The following PRDM9 variants were observed in gnomAD, a reference collection of about 807,000 sequenced individuals.
The protein encoded by PRDM9 is PR/SET domain 9.
In PRDM9, 47 loss-of-function variants were observed where a neutral mutation model predicts 55.6. That is an observed-to-expected ratio of 0.85 (90% CI 0.67 to 1.08). The LOEUF (loss-of-function observed/expected upper bound fraction) is 1.08. Ranked by LOEUF, PRDM9 falls within the 50% of genes least tolerant of loss-of-function variation. The pLI is 0.00. For missense variants in PRDM9, 867 were observed against 1,040.3 expected, an observed-to-expected ratio of 0.83 and a Z score of 2.29; for synonymous variants, 312 against 375.7, an observed-to-expected ratio of 0.83 and a Z score of 1.96.
intron 1 of PRDM9, among the ~76,000 whole-genome samples, chr5:23,508,607 G>T (rs1389989588): frequency 5.3e-5 from 8 of 152,118 alleles, no homozygotes; most frequent in Non-Finnish European, 1.2e-4. Flanking sequence ...AGCAGTCGGG[G>T]GGCCTCAAGG....
Position 23,521,160 on chromosome 5 carries a change from G to A in PRDM9, c.489G>A (p.Gln163=). 2 of 1,613,504 alleles carry A rather than the reference G, an allele frequency of 1.2e-6. No homozygotes were observed. Among genetic ancestry groups the A allele is most frequent in the South Asian group, 2.2e-5 (2 of 91,050 alleles). ...SPSGEASTSG[Q]HSRLKLELRK... is the part of the protein sequence containing the mutation. ...CTGGAGAAGCAAGTACCTCTGGACAGCACTCAAGACTAAAACTGGGTAAGA... is the reference window on the plus strand; with the variant it reads ...CTGGAGAAGCAAGTACCTCTGGACAACACTCAAGACTAAAACTGGGTAAGA... The change falls in exon 6 of 11, where the codon CAG becomes CAA. Residue 163 remains glutamine, a synonymous_variant. Coordinates refer to ENST00000296682, the MANE Select transcript of PRDM9 (RefSeq NM_020227.4).
intron 5 of PRDM9, 103 bp downstream of exon 5, chr5:23,518,033 T>C: frequency 9.3e-7 from 1 of 1,075,364 alleles, no homozygotes; most frequent in East Asian, 2.4e-5. Flanking sequence ...TAATGCCTTC[T>C]TTTCCTGATC....
intron 1 of PRDM9, 48 bp from the exon 2 acceptor site, chr5:23,508,902 G>A (rs1334692099): frequency 9.6e-7 from 1 of 1,042,506 alleles, no homozygotes; most frequent in African/African-American, 1.6e-5. Flanking sequence ...CTGGTTCTGG[G>A]TAGTGCTCAG....
In PRDM9 at chr5:23,524,590, A is replaced by G. The variant is rs532817981; in HGVS notation, c.1144+63A>G. ...GAAAGAATTATCCTAGAGAATTTTC[A>G]TGGTTTAACTCTTAAGTACAGTAAA... On this transcript the variant is annotated intron_variant, in intron 10 of 10. Transcript: ENST00000296682. 2.5e-5 allele frequency: 41 copies of G among 1,608,262 alleles called. No homozygotes were observed. In the African/African-American group the frequency reaches 4.5e-4, roughly 18 times the overall value.
In PRDM9 at chr5:23,510,146, C is replaced by T. The variant is rs1739064860; in HGVS notation, c.301+119C>T. ...CTTGGCTCACTGCAATCTCCACCTC[C>T]CAGGTTCAAGCGATTCTCCTGCCTC... On this transcript the variant is annotated intron_variant, in intron 4 of 10. Coordinates refer to ENST00000296682, the MANE Select transcript of PRDM9 (RefSeq NM_020227.4). 8.8e-6 allele frequency: 9 copies of T among 1,025,684 alleles called. No homozygotes were observed. The South Asian group carries it at 1.0e-4, about 12-fold the overall frequency. The allele number at this position is 1,025,684 out of a possible 1,614,324, so 63.5% of individuals were successfully genotyped here. A position where few individuals can be genotyped will look rare whatever the true frequency, so the allele number is the denominator to read the frequency against.
At position 23,527,881 on chromosome 5, in the gene PRDM9, C is replaced by T; in HGVS notation, c.*108C>T. 1.5e-6 allele frequency: 2 copies of T among 1,344,124 alleles called. No homozygotes were observed. The highest frequency in any genetic ancestry group is 2.4e-5 in the East Asian group (1 of 41,256). The allele number at this position is 1,344,124 out of a possible 1,614,324, so 83.3% of individuals were successfully genotyped here. A position where few individuals can be genotyped will look rare whatever the true frequency, so the allele number is the denominator to read the frequency against. On this transcript the variant is annotated 3_prime_UTR_variant, in exon 11 of 11. Transcript: ENST00000296682. ...TGGCTTCAGCGGAAGTCTGCTGACC[C>T]CTTATATTCCCCGAGAGTATAAAGA...
At chr5:23,513,748 G>A (rs184661909) in intron 4 of PRDM9, among the ~76,000 whole-genome samples, 21 of 152,058 alleles carry the variant, frequency 1.4e-4, no homozygotes, top group East Asian at 9.7e-4. Flanking sequence ...GCATAGTGGC[G>A]TGCACCTATA....
chr5:23,510,048 GATT>G, intron 4 of PRDM9, 21 bp downstream of exon 4: 1 of 1,291,726 alleles, frequency 7.7e-7, no homozygotes, highest in African/African-American at 1.6e-5. Flanking sequence ...AGGGAAGTAG[GATT>G]TTTTTTTTTT....
chr5:23,515,377 G>A (rs756520136), intron 4 of PRDM9, among the ~76,000 whole-genome samples: 1 of 152,142 alleles, frequency 6.6e-6, no homozygotes, highest in Non-Finnish European at 1.5e-5. Flanking sequence ...CTGAATAGCT[G>A]AACTATAGTC....
intron 4 of PRDM9, among the ~76,000 whole-genome samples, chr5:23,513,617 C>T (rs958773192): frequency 2.0e-5 from 3 of 152,090 alleles, no homozygotes; most frequent in Non-Finnish European, 4.4e-5. Flanking sequence ...CATGGTGGCT[C>T]ATGCCTGTAA....
chr5:23,524,677 T>C (rs1739398311), intron 10 of PRDM9, 150 bp downstream of exon 10: 4 of 1,151,258 alleles, frequency 3.5e-6, no homozygotes, highest in African/African-American at 1.6e-5. Flanking sequence ...ATTCATGTTA[T>C]ATACCTTTGC....
intron 4 of PRDM9, among the ~76,000 whole-genome samples, chr5:23,513,453 T>C (rs1229271135): frequency 1.3e-5 from 2 of 151,740 alleles, no homozygotes; most frequent in Non-Finnish European, 2.9e-5. Flanking sequence ...CCTGTCTTTC[T>C]CTCTGTCTCA....
Position 23,517,888 on chromosome 5 carries a change from T to C in PRDM9, c.309T>C (p.Pro103=). Residue 103 remains proline (P), a synonymous_variant, in exon 5 of 11, where the codon CCT becomes CCC. Transcript: ENST00000296682. ...EEWTPRQQVK[P]PWMALRVEQR... Reference sequence around the variant, plus strand: ...TTTCTCATCACCTTTTAGTCAAACCTCCTTGGATGGCCTTAAGAGTGGAAC... The same window carrying C: ...TTTCTCATCACCTTTTAGTCAAACCCCCTTGGATGGCCTTAAGAGTGGAAC... 1 of 1,600,434 alleles carries C rather than the reference T, an allele frequency of 6.2e-7. No individual in the cohort carries two copies. Among genetic ancestry groups the C allele is most frequent in the Non-Finnish European group, 8.6e-7 (1 of 1,167,580 alleles).
chr5:23,521,146 A>T lies in PRDM9; in HGVS notation c.475A>T (p.Ser159Cys). Reference protein sequence around the residue: ...QKPVSPSGEASTSGQHSRLKL... With the variant: ...QKPVSPSGEACTSGQHSRLKL... ...ACCAGTGTCCCCTTCTGGAGAAGCA[A>T]GTACCTCTGGACAGCACTCAAGACT... The change falls in exon 6 of 11, where the codon AGT becomes TGT. Residue 159 changes from serine to cysteine, a missense_variant. This residue lies in a region of PRDM9 where 662 missense variants were observed against 711.9 expected (regional missense o/e 0.93). Transcript: ENST00000296682. 1 of 1,613,748 alleles carries T rather than the reference A, an allele frequency of 6.2e-7. No homozygotes were observed. The highest frequency in any genetic ancestry group is 8.5e-7 in the Non-Finnish European group (1 of 1,180,026).
At chr5:23,509,801 A>G in intron 3 of PRDM9, 119 bp from the exon 4 acceptor site, 2 of 1,342,422 alleles carry the variant, frequency 1.5e-6, no homozygotes, top group Non-Finnish European at 2.1e-6. Flanking sequence ...ACCTTGTTCA[A>G]GACTCTCCCA....
intron 4 of PRDM9, among the ~76,000 whole-genome samples, chr5:23,511,968 G>A (rs1739107692): frequency 6.7e-6 from 1 of 150,242 alleles, no homozygotes; most frequent in Admixed American, 6.6e-5. Context: ...TTTAAAATTT[G>A]TCATTCTTTT....
chr5:23,514,950 A>G (rs1739175726), intron 4 of PRDM9, among the ~76,000 whole-genome samples: 1 of 149,474 alleles, frequency 6.7e-6, no homozygotes, highest in African/African-American at 2.5e-5. Flanking sequence ...TTCTTCATAT[A>G]TTCTGAATAT....
At chr5:23,514,829 A>G (rs138840316) in intron 4 of PRDM9, among the ~76,000 whole-genome samples, 407 of 152,312 alleles carry the variant, frequency 2.7e-3, no homozygotes, top group African/African-American at 7.7e-3. Context: ...TTTAAATACC[A>G]TCATATTGAG....
chr5:23,512,999 T>C (rs1314426100), intron 4 of PRDM9, among the ~76,000 whole-genome samples: 2 of 152,240 alleles, frequency 1.3e-5, no homozygotes, highest in African/African-American at 4.8e-5. Flanking sequence ...TCCATGTATA[T>C]ACCACATTTT....
Sources: gnomAD v4.1 joint callset for allele counts (sites outside exome capture counted in the v4.1 genomes callset) on GRCh38, gnomAD v4.1.1 for gene constraint, gnomAD v4.1.1 regional missense constraint, MANE v1.5 for transcripts, NCBI Gene and HGNC (gene_info 2026-07-23, HGNC 2026-07-21) for gene names.